The following PALS2 variants were observed in gnomAD, a reference collection of about 807,000 sequenced individuals.
PALS2 encodes the protein protein PALS2.
Under a neutral mutation model 61.6 loss-of-function variants are expected in PALS2, and 27 were observed. The ratio of observed to expected loss-of-function variants is 0.44; its 90% CI spans 0.32 to 0.60. The LOEUF is 0.60. PALS2 is among the 20% of genes least tolerant of loss of function. The pLI is 0.05. For missense variants in PALS2, 554 were observed against 639.4 expected (o/e 0.87, Z 1.44); for synonymous variants, 236 against 218.6 (o/e 1.08, Z -0.70).
chr7:24,600,888 A>G (rs1160327822), intron 1 of PALS2, among the ~76,000 whole-genome samples: 1 of 152,176 alleles, frequency 6.6e-6, no homozygotes. Flanking sequence ...TTGATTTTTC[A>G]GCATGCAAAC....
rs1188624348 is a variant in PALS2, at chr7:24,688,122, T to C, written c.*508T>C. ...AAAGCAGAATTTTAAGTCAGTGTTA[T>C]AGCTAGTCTACTACCATCTAAATCT... On this transcript the variant is annotated 3_prime_UTR_variant, in exon 12 of 12. Transcript: ENST00000222644. 2 of 152,348 alleles carry C rather than the reference T, an allele frequency of 1.3e-5. No homozygotes were observed. The highest frequency in any genetic ancestry group is 6.5e-5 in the Admixed American group (1 of 15,294). 9.4% of individuals were successfully genotyped at this position (152,348 alleles called of 1,614,324 possible). A position where few individuals can be genotyped will look rare whatever the true frequency, so the allele number is the denominator to read the frequency against.
At chr7:24,649,555 G>A (rs2128077841) in intron 3 of PALS2, 57 bp from the exon 4 acceptor site, 6 of 1,422,760 alleles carry the variant, frequency 4.2e-6, no homozygotes, top group Non-Finnish European at 4.6e-6. Flanking sequence ...AGTACTTTTA[G>A]TAACAAATTT....
rs531137224 is a variant in PALS2, at chr7:24,586,627, T to C, written c.-3+13034T>C. On this transcript the variant is annotated intron_variant, in intron 1 of 11. Transcript: ENST00000222644. ...GGTTGAATAGATGGAAAGCTAGATA[T>C]TAAGAAGAGAAATTTAAACATACCC... Among the ~76,000 whole-genome samples, 4 of 152,284 alleles carry C rather than the reference T, an allele frequency of 2.6e-5. No homozygotes were observed. The East Asian group carries it at 7.7e-4, about 29-fold the overall frequency.
Position 24,649,718 on chromosome 7 carries a change from A to T in PALS2, c.377A>T (p.Asp126Val). The T allele has an allele frequency of 6.2e-7, 1 of 1,611,204 alleles. No individual in the cohort carries two copies. The highest frequency in any genetic ancestry group is 8.5e-7 in the Non-Finnish European group (1 of 1,178,740). ...SSINNQLLPVDAIRILGIHKR... is the reference protein window; with the variant it reads ...SSINNQLLPVVAIRILGIHKR... ...ATCAATAATCAGTTATTACCAGTAG[A>T]TGCCATTCGTATTCTTGGTATTCAC... Residue 126 changes from aspartate to valine, a missense_variant, in exon 4 of 12, where the codon GAT (aspartate) becomes GTT (valine). Physicochemically the swap from Asp to Val is radical, Grantham distance 152 (BLOSUM62 -3). Coordinates refer to ENST00000222644, the MANE Select transcript of PALS2 (RefSeq NM_001303037.2).
In PALS2 at chr7:24,585,016, A is replaced by G. The variant is rs1255266322; in HGVS notation, c.-3+11423A>G. On this transcript the variant is annotated intron_variant, in intron 1 of 11. Coordinates refer to ENST00000222644, the MANE Select transcript of PALS2 (RefSeq NM_001303037.2). ...CTGAGGGCTCTGTTCTGTTCCATTG[A>G]TCTATATCTCTGTTTTGGTACCAGT... Among the ~76,000 whole-genome samples, 6 of 151,530 alleles carry G rather than the reference A, an allele frequency of 4.0e-5. No homozygotes were observed. In the South Asian group the frequency reaches 1.0e-3, roughly 26 times the overall value.
In PALS2 at chr7:24,653,818, A is replaced by C. The variant is rs897122665; in HGVS notation, c.651+3106A>C. On this transcript the variant is annotated intron_variant, in intron 5 of 11. Coordinates refer to ENST00000222644, the MANE Select transcript of PALS2 (RefSeq NM_001303037.2). ...TGTTCAGACATCTCTAGCAGCGAAC[A>C]CTTTGACCATTACCAGACATGCTGA... Among the ~76,000 whole-genome samples the C allele has an allele frequency of 2.6e-5, 4 of 152,222 alleles. No homozygotes were observed. The East Asian group carries it at 7.7e-4, about 29-fold the overall frequency.
rs1464369149 is a variant in PALS2 at position 24,692,558 on chromosome 7, T to C, written c.*4944T>C. Reference sequence around the variant, plus strand: ...GTAATGTAGTGAATGGTGAATACTTTTCAGGAATTCTTCCAGTTTTAAAAT... The same window carrying C: ...GTAATGTAGTGAATGGTGAATACTTCTCAGGAATTCTTCCAGTTTTAAAAT... On this transcript the variant is annotated 3_prime_UTR_variant, in exon 12 of 12. Coordinates refer to ENST00000222644, the MANE Select transcript of PALS2 (RefSeq NM_001303037.2). The C allele has an allele frequency of 6.6e-6, 1 of 152,194 alleles. No homozygotes were observed. Among genetic ancestry groups the C allele is most frequent in the Non-Finnish European group, 1.5e-5 (1 of 68,026 alleles). The allele number at this position is 152,194 out of a possible 1,614,324, so 9.4% of individuals were successfully genotyped here.
At chr7:24,644,260 C>G (rs1212763946) in intron 3 of PALS2, among the ~76,000 whole-genome samples, 1 of 151,954 alleles carries the variant, frequency 6.6e-6, no homozygotes, top group African/African-American at 2.4e-5. Flanking sequence ...CCTTCTCTCA[C>G]CCTCCCCACT....
chr7:24,660,873 A>G (rs1786683262), intron 5 of PALS2, among the ~76,000 whole-genome samples: 1 of 152,234 alleles, frequency 6.6e-6, no homozygotes, highest in Non-Finnish European at 1.5e-5. Context: ...GTTCTTTTGT[A>G]GAATGTTATA....
rs117937768 is a variant in PALS2, at chr7:24,692,589, C to T, written c.*4975C>T. The stretch of plus-strand genomic sequence containing the variant: ...AATTCTTCCAGTTTTAAAATAGCCC[C>T]AAAGATACAGTTTCAGCTGGTGGAA... On this transcript the variant is annotated 3_prime_UTR_variant, in exon 12 of 12. Transcript: ENST00000222644. 3.3e-5 allele frequency: 5 copies of T among 152,228 alleles called. No homozygotes were observed. In the East Asian group the frequency reaches 9.6e-4, roughly 29 times the overall value. 9.4% of individuals were successfully genotyped at this position (152,228 alleles called of 1,614,324 possible).
intron 1 of PALS2, among the ~76,000 whole-genome samples, chr7:24,619,251 T>C (rs1784403828): frequency 6.6e-6 from 1 of 152,122 alleles, no homozygotes; most frequent in African/African-American, 2.4e-5. Context: ...TTTCCTCTCT[T>C]TTTATTTGGT....
chr7:24,624,018 T>C, intron 2 of PALS2: 1 of 1,272,028 alleles, frequency 7.9e-7, no homozygotes, highest in Non-Finnish European at 1.1e-6. Context: ...CGTAATGCCT[T>C]TAAGGTTTAG....
chr7:24,629,398 T>C (rs1033286792), intron 2 of PALS2, among the ~76,000 whole-genome samples: 1 of 152,154 alleles, frequency 6.6e-6, no homozygotes, highest in African/African-American at 2.4e-5. Context: ...GAAGAAAACC[T>C]AGGCAGTACC....
At chr7:24,657,706 GA>G (rs919924977) in intron 5 of PALS2, among the ~76,000 whole-genome samples, 3 of 152,076 alleles carry the variant, frequency 2.0e-5, no homozygotes, top group African/African-American at 4.8e-5. Context: ...GAATTTTGAT[GA>G]AATCCAATTT....
chr7:24,685,219 A>G (rs749041399), intron 11 of PALS2, among the ~76,000 whole-genome samples: 4 of 152,132 alleles, frequency 2.6e-5, no homozygotes, highest in East Asian at 3.8e-4. Flanking sequence ...AAAGCCACTG[A>G]AATAATTCCT....
intron 1 of PALS2, among the ~76,000 whole-genome samples, chr7:24,595,487 A>AT (rs1218529735): frequency 7.7e-6 from 1 of 130,026 alleles, no homozygotes; most frequent in Non-Finnish European, 1.6e-5. Flanking sequence ...GTAAATATAT[A>AT]TTATATATTT....
chr7:24,629,520 A>G (rs891227989), intron 2 of PALS2, among the ~76,000 whole-genome samples: 2 of 152,206 alleles, frequency 1.3e-5, no homozygotes, highest in Non-Finnish European at 2.9e-5. Flanking sequence ...GCACAACAAA[A>G]GAAACTATCA....
At chr7:24,617,802 A>G (rs904834466) in intron 1 of PALS2, among the ~76,000 whole-genome samples, 5 of 152,074 alleles carry the variant, frequency 3.3e-5, no homozygotes, top group African/African-American at 1.2e-4. Flanking sequence ...GATTATGGCC[A>G]TGGGGCTGTT....
intron 1 of PALS2, among the ~76,000 whole-genome samples, chr7:24,586,880 C>G (rs537607630): frequency 3.2e-4 from 48 of 152,166 alleles, no homozygotes; most frequent in Non-Finnish European, 6.2e-4. Flanking sequence ...TTCACCATGA[C>G]AAACCAAATG....
Sources: gnomAD v4.1 joint callset for allele counts (sites outside exome capture counted in the v4.1 genomes callset) on GRCh38, gnomAD v4.1.1 for gene constraint, MANE v1.5 for transcripts, NCBI Gene and HGNC (gene_info 2026-07-23, HGNC 2026-07-21) for gene names.